THSD7B: variants seen among roughly 807,000 people sequenced by gnomAD.
THSD7B encodes thrombospondin type-1 domain-containing protein 7B.
THSD7B carries 138 observed loss-of-function variants against 213.6 expected under a neutral mutation model. The ratio of observed to expected loss-of-function variants is 0.65; its 90% CI spans 0.56 to 0.74. The LOEUF is 0.74. Among genes scored for constraint, THSD7B ranks in the 30% least tolerant of loss-of-function variants. The pLI, the probability that THSD7B is intolerant of heterozygous loss-of-function variation, is 0.00. For synonymous variants in THSD7B, 742 were observed against 687.0 expected (o/e 1.08, Z -1.25); for missense variants, 1,931 against 1,991.5 (o/e 0.97, Z 0.58).
At chr2:137,364,025 T>G (rs186610129) in intron 12 of THSD7B, among the ~76,000 whole-genome samples, 1 of 152,286 alleles carries the variant, frequency 6.6e-6, no homozygotes, top group East Asian at 1.9e-4. Flanking sequence ...CAGCAGCGCA[T>G]CAAAAAGCTT....
intron 12 of THSD7B, among the ~76,000 whole-genome samples, chr2:137,323,987 C>T (rs1337560833): frequency 1.3e-5 from 2 of 152,146 alleles, no homozygotes; most frequent in African/African-American, 4.8e-5. Context: ...GAAAATACAT[C>T]ACTCTCCGAG....
Position 136,995,470 on chromosome 2 carries a change from A to C in THSD7B, c.140-60950A>C, listed in dbSNP as rs74915361. ...TCTATTCTGTTCTCTTAATTTTCCCAAAATGTCCCCTTAGATGGGGTCATT... is the reference window on the plus strand; with the variant it reads ...TCTATTCTGTTCTCTTAATTTTCCCCAAATGTCCCCTTAGATGGGGTCATT... On this transcript the variant is annotated intron_variant, in intron 2 of 27. Transcript: ENST00000409968. Among the ~76,000 whole-genome samples, 1,097 of 152,252 alleles carry C rather than the reference A, an allele frequency of 7.2e-3. 11 individuals carry two copies. Among genetic ancestry groups the C allele is most frequent in the African/African-American group, 0.025 (1,022 of 41,564 alleles).
chr2:137,588,670 T>G (rs1023518791), intron 17 of THSD7B, among the ~76,000 whole-genome samples: 2 of 152,068 alleles, frequency 1.3e-5, no homozygotes, highest in Non-Finnish European at 2.9e-5. Context: ...GATTACCATC[T>G]TTTTATTACT....
chr2:136,788,107 C>T (rs2104911732), intron 1 of THSD7B, among the ~76,000 whole-genome samples: 1 of 152,236 alleles, frequency 6.6e-6, no homozygotes, highest in South Asian at 2.1e-4. Flanking sequence ...AAATTTCAAG[C>T]CTGTGTTCAG....
intron 17 of THSD7B, among the ~76,000 whole-genome samples, chr2:137,613,447 G>A (rs375361967): frequency 9.7e-4 from 148 of 152,252 alleles, no homozygotes; most frequent in African/African-American, 3.5e-3. Flanking sequence ...AACAAAATAC[G>A]TGAAGGCATA....
intron 14 of THSD7B, among the ~76,000 whole-genome samples, chr2:137,419,143 G>C (rs1319818172): frequency 1.3e-5 from 2 of 151,672 alleles, no homozygotes; most frequent in Admixed American, 1.3e-4. Flanking sequence ...CCTGACCTCA[G>C]GTGATTCACC....
At chr2:137,505,062 A>T (rs1388029357) in intron 15 of THSD7B, among the ~76,000 whole-genome samples, 3 of 151,908 alleles carry the variant, frequency 2.0e-5, no homozygotes, top group African/African-American at 7.3e-5. Context: ...GGGAGGAGCA[A>T]ATATTTTAGA....
intron 15 of THSD7B, among the ~76,000 whole-genome samples, chr2:137,530,519 C>T (rs998233283): frequency 6.6e-6 from 1 of 151,992 alleles, no homozygotes; most frequent in African/African-American, 2.4e-5. Context: ...CAAAATAGAG[C>T]TTCAAGTCAG....
At chr2:137,266,364 G>C (rs533127165) in intron 10 of THSD7B, among the ~76,000 whole-genome samples, 20 of 152,296 alleles carry the variant, frequency 1.3e-4, no homozygotes, top group South Asian at 1.0e-3. Flanking sequence ...AGTATTTAAT[G>C]TGTGACTATT....
chr2:137,663,398 T>G lies in THSD7B; in HGVS notation c.4474T>G (p.Cys1492Gly). Residue 1492 changes from cysteine to glycine, a missense_variant, in exon 26 of 28, where the codon TGT becomes GGT. Physicochemically the swap from Cys to Gly is radical, Grantham distance 159 (BLOSUM62 -3). Coordinates refer to ENST00000409968, the MANE Select transcript of THSD7B (RefSeq NM_001316349.2). ...SYCTQGGVCG[C>G]EKGYTEIMKS... The stretch of plus-strand genomic sequence containing the variant: ...TATGCTGTAGGGTGGAGTCTGTGGT[T>G]GTGAGAAGGGCTATACAGAGATAAT... 6.3e-7 allele frequency: 1 copy of G among 1,584,654 alleles called. No homozygotes were observed.
At chr2:137,661,869 G>A (rs558488038) in intron 25 of THSD7B, among the ~76,000 whole-genome samples, 1 of 152,172 alleles carries the variant, frequency 6.6e-6, no homozygotes, top group African/African-American at 2.4e-5. Context: ...CATGCACAGC[G>A]TGTTTACTGA....
intron 15 of THSD7B, among the ~76,000 whole-genome samples, chr2:137,521,816 G>A (rs912774938): frequency 1.3e-5 from 2 of 151,976 alleles, no homozygotes; most frequent in Admixed American, 6.6e-5. Flanking sequence ...GAGCATCAGA[G>A]GGCCTGTCAG....
At chr2:136,811,821 T>C (rs958284051) in intron 1 of THSD7B, among the ~76,000 whole-genome samples, 9 of 152,200 alleles carry the variant, frequency 5.9e-5, no homozygotes, top group African/African-American at 2.2e-4. Flanking sequence ...CTTTTGCACA[T>C]GTTGACTATC....
chr2:137,308,862 G>T (rs1683821141), intron 12 of THSD7B, among the ~76,000 whole-genome samples: 1 of 151,994 alleles, frequency 6.6e-6, no homozygotes, highest in South Asian at 2.1e-4. Flanking sequence ...ATATCTTAAA[G>T]TCCTTATTTA....
intron 15 of THSD7B, among the ~76,000 whole-genome samples, chr2:137,459,525 G>T (rs796203689): frequency 3.9e-5 from 6 of 152,166 alleles, no homozygotes; most frequent in African/African-American, 1.2e-4. Flanking sequence ...AATTAGCTAG[G>T]TGTGGTGATA....
In THSD7B at chr2:137,294,470, C is replaced by A. The variant is rs1411753053; in HGVS notation, c.2500+18444C>A. ...TGGTGGTGAGTGCCTGTAATCCCAG[C>A]TACTTTGGAGGCTGAGGCAGAAGAA... On this transcript the variant is annotated intron_variant, in intron 12 of 27. Coordinates refer to ENST00000409968, the MANE Select transcript of THSD7B (RefSeq NM_001316349.2). Among the ~76,000 whole-genome samples, 3 of 150,864 alleles carry A rather than the reference C, an allele frequency of 2.0e-5. No homozygotes were observed. The Admixed American group carries it at 2.0e-4, about 10-fold the overall frequency.
Position 136,984,390 on chromosome 2 carries a change from C to T in THSD7B, c.140-72030C>T, listed in dbSNP as rs925108467. 5.9e-5 allele frequency among the ~76,000 whole-genome samples: 9 copies of T among 152,274 alleles called. No homozygotes were observed. The South Asian group carries it at 6.2e-4, about 11-fold the overall frequency. On this transcript the variant is annotated intron_variant, in intron 2 of 27. Transcript: ENST00000409968. ...CATCCTCTAGAAAATAAGGAGTTCT[C>T]GCTCAGTTATTTTGTGTGAGATCTG...
chr2:137,506,322 A>C (rs544496914), intron 15 of THSD7B, among the ~76,000 whole-genome samples: 19 of 152,148 alleles, frequency 1.2e-4, no homozygotes, highest in African/African-American at 4.3e-4. Context: ...TTTACACACA[A>C]GGGGGATTTT....
intron 2 of THSD7B, among the ~76,000 whole-genome samples, chr2:136,977,449 G>A (rs1685498912): frequency 6.6e-6 from 1 of 151,924 alleles, no homozygotes. Context: ...TTTTCTGTAT[G>A]TCTATCTCCT....
Sources: allele counts gnomAD v4.1 joint callset (sites outside exome capture counted in the v4.1 genomes callset), GRCh38; gene constraint gnomAD v4.1.1; transcripts MANE v1.5; gene names NCBI Gene and HGNC (gene_info 2026-07-23, HGNC 2026-07-21).